The following FRMD3 variants were observed in gnomAD, a reference collection of about 807,000 sequenced individuals.
FRMD3 encodes the protein FERM domain containing 3.
In FRMD3, 33 loss-of-function variants were observed where a neutral mutation model predicts 70.2. That is an observed-to-expected ratio of 0.47 (90% CI 0.36 to 0.63). The LOEUF (loss-of-function observed/expected upper bound fraction) is 0.63. Ranked by LOEUF, FRMD3 falls within the 20% of genes least tolerant of loss-of-function variation. The pLI is 0.00. For synonymous variants in FRMD3, 279 were observed against 255.9 expected (o/e 1.09, Z -0.86); for missense variants, 632 against 711.4 (o/e 0.89, Z 1.27).
chr9:83,324,848 T>C (rs573251499), intron 6 of FRMD3, among the ~76,000 whole-genome samples: 1 of 152,234 alleles, frequency 6.6e-6, no homozygotes, highest in Admixed American at 6.5e-5. Flanking sequence ...TAGTCATGTA[T>C]GGGCAAACGC....
Position 83,504,022 on chromosome 9 carries a change from C to T in FRMD3, c.147+34063G>A, listed in dbSNP as rs146395730. On this transcript the variant is annotated intron_variant, in intron 1 of 13. Coordinates refer to ENST00000304195, the MANE Select transcript of FRMD3 (RefSeq NM_174938.6). ...AGGTGGTAACGGAAGAGAATACACT[C>T]CGCATCCTGCTGCAGTTTGGGGTGT... 2.0e-4 allele frequency among the ~76,000 whole-genome samples: 30 copies of T among 152,306 alleles called. No individual in the cohort carries two copies. The East Asian group carries it at 4.8e-3, about 25-fold the overall frequency.
chr9:83,331,941 G>C, intron 6 of FRMD3: 1 of 711,420 alleles, frequency 1.4e-6, no homozygotes, highest in Admixed American at 2.1e-5. Context: ...GAAGTGCTAT[G>C]AATCACTTCC....
At chr9:83,508,989 C>A (rs960828244) in intron 1 of FRMD3, among the ~76,000 whole-genome samples, 3 of 150,524 alleles carry the variant, frequency 2.0e-5, no homozygotes, top group Admixed American at 2.0e-4. Context: ...GGAATCACCC[C>A]CAATGCCTTT....
chr9:83,298,737 C>T lies in FRMD3; in HGVS notation c.1070+11G>A. 4 of 1,612,504 alleles carry T rather than the reference C, an allele frequency of 2.5e-6. No homozygotes were observed. The highest frequency in any genetic ancestry group is 3.4e-6 in the Non-Finnish European group (4 of 1,178,536). On this transcript the variant is annotated intron_variant, in intron 12 of 13. Coordinates refer to ENST00000304195, the MANE Select transcript of FRMD3 (RefSeq NM_174938.6). ...AAAGCCACCTGGAACCCACAGTGAT[C>T]ATCCACTCACCTGTGCACCTCAGGA...
At chr9:83,522,528 G>A (rs1425581129) in intron 1 of FRMD3, among the ~76,000 whole-genome samples, 2 of 150,136 alleles carry the variant, frequency 1.3e-5, no homozygotes, top group African/African-American at 4.9e-5. Context: ...TAAATAAGGA[G>A]AAAGAAATAA....
At chr9:83,442,026 C>T (rs1441412958) in intron 1 of FRMD3, among the ~76,000 whole-genome samples, 2 of 152,066 alleles carry the variant, frequency 1.3e-5, no homozygotes, top group Non-Finnish European at 2.9e-5. Flanking sequence ...CACTAAAGCC[C>T]GACACATCTT....
chr9:83,249,502 C>T (rs772059323), intron 13 of FRMD3, among the ~76,000 whole-genome samples: 25 of 152,162 alleles, frequency 1.6e-4, no homozygotes, highest in Non-Finnish European at 4.4e-5. Flanking sequence ...TTTCGGGAAC[C>T]ATAAACCAGC....
chr9:83,547,638 A>C, the FRMD3 span, among the ~76,000 whole-genome samples: 1 of 152,182 alleles, frequency 6.6e-6, no homozygotes, highest in Non-Finnish European at 1.5e-5. Context: ...ATTGAGGCAG[A>C]AAATCAACAA....
chr9:83,399,075 T>C (rs1825881470), intron 1 of FRMD3, among the ~76,000 whole-genome samples: 1 of 152,166 alleles, frequency 6.6e-6, no homozygotes, highest in Non-Finnish European at 1.5e-5. Flanking sequence ...AGCAAGAGGC[T>C]TAATAGTATT....
chr9:83,254,798 A>G (rs1017547547), intron 13 of FRMD3, among the ~76,000 whole-genome samples: 1 of 152,202 alleles, frequency 6.6e-6, no homozygotes, highest in African/African-American at 2.4e-5. Context: ...AAATTCCTGG[A>G]CACATACACC....
chr9:83,248,651 T>C (rs1404813549), intron 13 of FRMD3, 135 bp from the exon 14 acceptor site: 1 of 981,400 alleles, frequency 1.0e-6, no homozygotes, highest in African/African-American at 1.6e-5. Flanking sequence ...TCCTAAGTTG[T>C]AACAAAGTCG....
At chr9:83,390,725 G>A (rs1425076546) in intron 1 of FRMD3, among the ~76,000 whole-genome samples, 1 of 152,188 alleles carries the variant, frequency 6.6e-6, no homozygotes, top group African/African-American at 2.4e-5. Context: ...TATCTGATAA[G>A]ATTAATTTCT....
At chr9:83,260,164 G>T (rs1444281912) in intron 13 of FRMD3, among the ~76,000 whole-genome samples, 1 of 152,170 alleles carries the variant, frequency 6.6e-6, no homozygotes, top group African/African-American at 2.4e-5. Flanking sequence ...TGTAGAAAGA[G>T]AAAAGGAGAC....
rs549804214 is a variant in FRMD3, at chr9:83,518,478, G to A, written c.147+19607C>T. Among the ~76,000 whole-genome samples the A allele has an allele frequency of 4.5e-3, 682 of 152,118 alleles. 2 individuals are homozygous for A. Among genetic ancestry groups the A allele is most frequent in the African/African-American group, 0.016 (651 of 41,482 alleles). On this transcript the variant is annotated intron_variant, in intron 1 of 13. Coordinates refer to ENST00000304195, the MANE Select transcript of FRMD3 (RefSeq NM_174938.6). ...AGGAGAACTACAAACCACTACTCAAGGAAATAAGAGAGGACACAAACAAAT... is the reference window on the plus strand; with the variant it reads ...AGGAGAACTACAAACCACTACTCAAAGAAATAAGAGAGGACACAAACAAAT...
chr9:83,489,015 T>TGTGTGTGTGTGTGC lies in FRMD3; in HGVS notation c.147+49069_147+49070insGCACACACACACAC, dbSNP rs539396863. On this transcript the variant is annotated intron_variant, in intron 1 of 13. Transcript: ENST00000304195. The stretch of plus-strand genomic sequence containing the variant: ...GTGTGTGTGTGTGTGTGTGTGTGTG[T>TGTGTGTGTGTGTGC]GCTTGTGTGTGCGCACCTACACATG... Among the ~76,000 whole-genome samples the TGTGTGTGTGTGTGC allele has an allele frequency of 5.6e-4, 74 of 131,686 alleles. 1 individual carries two copies. The highest frequency in any genetic ancestry group is 1.0e-3 in the Non-Finnish European group (64 of 63,258). The allele number at this position is 131,686 out of a possible 152,430, so 86.4% of individuals were successfully genotyped here.
intron 1 of FRMD3, among the ~76,000 whole-genome samples, chr9:83,525,806 T>C (rs564350140): frequency 3.4e-4 from 52 of 152,116 alleles, no homozygotes; most frequent in Admixed American, 6.5e-4. Context: ...CAGGTGAGAG[T>C]TGCCTAACAA....
intron 13 of FRMD3, chr9:83,279,196 TATG>T (rs1833887631): frequency 1.3e-5 from 2 of 152,356 alleles, no homozygotes; most frequent in African/African-American, 4.8e-5. Flanking sequence ...GAAGTGGAGA[TATG>T]AGGATTTTGA....
intron 1 of FRMD3, among the ~76,000 whole-genome samples, chr9:83,457,288 T>C (rs1409066840): frequency 2.0e-5 from 3 of 152,174 alleles, no homozygotes; most frequent in African/African-American, 4.8e-5. Flanking sequence ...ATCAACACTA[T>C]AGATGAGTGG....
chr9:83,333,041 G>T (rs1241463900), intron 6 of FRMD3, among the ~76,000 whole-genome samples: 1 of 152,184 alleles, frequency 6.6e-6, no homozygotes, highest in Non-Finnish European at 1.5e-5. Context: ...AGCACCTTCA[G>T]TCCCTGTAGC....
Sources: gnomAD v4.1 joint callset for allele counts (sites outside exome capture counted in the v4.1 genomes callset) on GRCh38, gnomAD v4.1.1 for gene constraint, MANE v1.5 for transcripts, NCBI Gene and HGNC (gene_info 2026-07-23, HGNC 2026-07-21) for gene names.